MYO1E: variants seen among roughly 807,000 people sequenced by gnomAD.
MYO1E encodes unconventional myosin-Ie.
A neutral mutation model predicts 151.1 loss-of-function variants in MYO1E; 68 were observed. The ratio of observed to expected loss-of-function variants is 0.45; its 90% confidence interval spans 0.37 to 0.55. The LOEUF (loss-of-function observed/expected upper bound fraction) is 0.55. Ranked by LOEUF, MYO1E falls within the 20% of genes least tolerant of loss-of-function variation. MYO1E has a pLI of 0.00. For synonymous variants in MYO1E, 601 were observed against 501.7 expected (o/e 1.20, Z -2.64); for missense variants, 1,363 against 1,389.3 (o/e 0.98, Z 0.30).
rs11366940 is a variant in MYO1E at position 59,353,757 on chromosome 15, CAA to C, written c.3+18739_3+18740del. 4.5e-3 allele frequency among the ~76,000 whole-genome samples: 590 copies of C among 129,774 alleles called. 6 individuals carry two copies. Among genetic ancestry groups the C allele is most frequent in the South Asian group, 0.045 (184 of 4,054 alleles). 85.1% of individuals were successfully genotyped at this position (129,774 alleles called of 152,430 possible). On this transcript the variant is annotated intron_variant, in intron 1 of 27. Transcript: ENST00000288235. ...GAGCAACAAGAGCAAAACTCCGTCTCAAAAAAAAAAAAAAACAAAGAAAGAAA... is the reference window on the plus strand; with the variant it reads ...GAGCAACAAGAGCAAAACTCCGTCTCAAAAAAAAAAAAACAAAGAAAGAAA...
intron 4 of MYO1E, among the ~76,000 whole-genome samples, chr15:59,254,291 G>T (rs547455824): frequency 6.6e-6 from 1 of 152,142 alleles, no homozygotes; most frequent in South Asian, 2.1e-4. Context: ...GAGCTCAAGC[G>T]ATCTCCCTGC....
In MYO1E at chr15:59,173,796, C is replaced by T. The variant is rs773359370; in HGVS notation, c.2284G>A (p.Glu762Lys). 4 of 1,614,048 alleles carry T rather than the reference C, an allele frequency of 2.5e-6. No homozygotes were observed. The South Asian group carries it at 4.4e-5, about 18-fold the overall frequency. ...ACTGTGTCTGCGAAATCAATCTTCT[C>T]CCTCTTGCCCACGAACTGCTGGAGT... The part of the protein sequence containing the change: ...PELQQFVGKR[E>K]KIDFADTVTK... Residue 762 changes from glutamate (E) to lysine (K), a missense_variant, in exon 21 of 28, where the codon GAG (glutamate) becomes AAG (lysine). By Grantham distance (56) the Glu-to-Lys change is moderately conservative. Coordinates refer to ENST00000288235, the MANE Select transcript of MYO1E (RefSeq NM_004998.4).
At chr15:59,353,078 TTTC>T (rs1479928383) in intron 1 of MYO1E, among the ~76,000 whole-genome samples, 1 of 152,102 alleles carries the variant, frequency 6.6e-6, no homozygotes, top group Admixed American at 6.5e-5. Context: ...GATTTTTAAG[TTTC>T]TTCAACCTTC....
At chr15:59,298,733 A>T (rs142828462) in intron 1 of MYO1E, among the ~76,000 whole-genome samples, 1 of 152,230 alleles carries the variant, frequency 6.6e-6, no homozygotes, top group Admixed American at 6.5e-5. Flanking sequence ...GACTGGGGGT[A>T]AAGGACAACA....
intron 1 of MYO1E, among the ~76,000 whole-genome samples, chr15:59,301,834 G>A (rs920797960): frequency 1.3e-5 from 2 of 152,200 alleles, no homozygotes; most frequent in Non-Finnish European, 2.9e-5. Flanking sequence ...CCAAGATAGA[G>A]AACGGGAAAG....
intron 3 of MYO1E, among the ~76,000 whole-genome samples, 162 bp downstream of exon 3, chr15:59,261,255 TAAA>T (rs1417413133): frequency 3.3e-5 from 5 of 151,156 alleles, no homozygotes; most frequent in Non-Finnish European, 7.4e-5. Context: ...AATTAAAAAA[TAAA>T]AATAAAAAGC....
intron 5 of MYO1E, among the ~76,000 whole-genome samples, chr15:59,234,846 A>G (rs916647534): frequency 6.1e-5 from 9 of 146,906 alleles, no homozygotes; most frequent in African/African-American, 1.2e-4. Flanking sequence ...AAAAAAAGGG[A>G]ACCACAATAA....
chr15:59,292,203 G>GA (rs1463373578), intron 1 of MYO1E, among the ~76,000 whole-genome samples: 43 of 152,170 alleles, frequency 2.8e-4, no homozygotes, highest in African/African-American at 8.7e-4. Context: ...TCTTTTTAAA[G>GA]AAAAAAATCT....
Position 59,136,786 on chromosome 15 carries a change from C to A in MYO1E, c.*594G>T, listed in dbSNP as rs3803446. Reference sequence around the variant, plus strand: ...AGCCCCCAGCCCCTGACCTGCTTGGCGGCCCTGATGGTCCCGGCAAAGTGT... The same window carrying A: ...AGCCCCCAGCCCCTGACCTGCTTGGAGGCCCTGATGGTCCCGGCAAAGTGT... On this transcript the variant is annotated 3_prime_UTR_variant, in exon 28 of 28. Coordinates refer to ENST00000288235, the MANE Select transcript of MYO1E (RefSeq NM_004998.4). The A allele has an allele frequency of 3.5e-5, 16 of 456,094 alleles. 1 individual carries two copies. The East Asian group carries it at 1.0e-3, about 30-fold the overall frequency. The allele number at this position is 456,094 out of a possible 1,614,324, so 28.3% of individuals were successfully genotyped here. A position where few individuals can be genotyped will look rare whatever the true frequency, so the allele number is the denominator to read the frequency against.
chr15:59,223,149 G>C lies in MYO1E; in HGVS notation c.820C>G (p.Leu274Val). 6.2e-7 allele frequency: 1 copy of C among 1,614,180 alleles called. No individual in the cohort carries two copies. Among genetic ancestry groups the C allele is most frequent in the Non-Finnish European group, 8.5e-7 (1 of 1,180,038 alleles). Residue 274 changes from leucine (L) to valine (V), a missense_variant, in exon 9 of 28, where the codon CTG (leucine) becomes GTG (valine). Leu to Val is a conservative substitution (Grantham distance 32, BLOSUM62 1). Transcript: ENST00000288235. Reference protein sequence around the residue: ...VIGIFAEEQTLVLQIVAGILH... With the variant: ...VIGIFAEEQTVVLQIVAGILH... ...ATACCCGCCACTATCTGCAACACCAGCGTTTGCTCTTCTGCAAAGATCCCA... is the reference window on the plus strand; with the variant it reads ...ATACCCGCCACTATCTGCAACACCACCGTTTGCTCTTCTGCAAAGATCCCA...
At chr15:59,170,280 C>T (rs115696087) in intron 22 of MYO1E, among the ~76,000 whole-genome samples, 1,861 of 152,308 alleles carry the variant, frequency 0.012, 47 homozygotes, top group African/African-American at 0.042. Flanking sequence ...CATACCTGGG[C>T]AATAACAGAA....
intron 1 of MYO1E, among the ~76,000 whole-genome samples, chr15:59,325,351 T>C (rs987468795): frequency 2.0e-5 from 3 of 152,098 alleles, no homozygotes; most frequent in Non-Finnish European, 2.9e-5. Context: ...CCTTTTTAGT[T>C]AGGGGATAAA....
At position 59,227,069 on chromosome 15, in the gene MYO1E, C is replaced by T. The variant is rs1217015242; in HGVS notation, c.642+390G>A. Reference sequence around the variant, plus strand: ...ACTGGCTTTCCCTCTCCCACCTCCACTGCTTTGGTGCAGGTCACCTGTCTT... The same window carrying T: ...ACTGGCTTTCCCTCTCCCACCTCCATTGCTTTGGTGCAGGTCACCTGTCTT... On this transcript the variant is annotated intron_variant, in intron 7 of 27. Coordinates refer to ENST00000288235, the MANE Select transcript of MYO1E (RefSeq NM_004998.4). Among the ~76,000 whole-genome samples, 8 of 152,348 alleles carry T rather than the reference C, an allele frequency of 5.3e-5. No homozygotes were observed. The East Asian group carries it at 1.5e-3, about 29-fold the overall frequency.
intron 1 of MYO1E, among the ~76,000 whole-genome samples, chr15:59,279,962 C>T (rs1193239893): frequency 6.6e-6 from 1 of 152,116 alleles, no homozygotes; most frequent in Non-Finnish European, 1.5e-5. Context: ...ACACACAGAG[C>T]TGTTTTCATT....
intron 1 of MYO1E, among the ~76,000 whole-genome samples, chr15:59,355,306 C>T (rs1420783750): frequency 6.6e-6 from 1 of 152,188 alleles, no homozygotes; most frequent in African/African-American, 2.4e-5. Flanking sequence ...CCTGTCTCAA[C>T]TCCTCCATTC....
chr15:59,261,039 T>C (rs1169879511), intron 3 of MYO1E, among the ~76,000 whole-genome samples: 1 of 151,732 alleles, frequency 6.6e-6, no homozygotes, highest in Non-Finnish European at 1.5e-5. Flanking sequence ...CATGGTGAAA[T>C]ACCGTCTCTA....
Position 59,225,401 on chromosome 15 carries a change from C to T in MYO1E, c.643-578G>A, listed in dbSNP as rs191553960. On this transcript the variant is annotated intron_variant, in intron 7 of 27. Coordinates refer to ENST00000288235, the MANE Select transcript of MYO1E (RefSeq NM_004998.4). Reference sequence around the variant, plus strand: ...TTTTTTTGGCCCCCACACCCCAGCTCGTCCCTTTTGCCCAAGAGCTCTGAC... The same window carrying T: ...TTTTTTTGGCCCCCACACCCCAGCTTGTCCCTTTTGCCCAAGAGCTCTGAC... Among the ~76,000 whole-genome samples the T allele has an allele frequency of 5.3e-3, 805 of 152,284 alleles. 6 individuals are homozygous for T. The highest frequency in any genetic ancestry group is 8.9e-3 in the South Asian group (43 of 4,822).
At chr15:59,315,453 A>C (rs1018773413) in intron 1 of MYO1E, among the ~76,000 whole-genome samples, 2 of 151,810 alleles carry the variant, frequency 1.3e-5, no homozygotes, top group Non-Finnish European at 2.9e-5. Context: ...CTTAATACCT[A>C]GGTGATGGGT....
intron 15 of MYO1E, among the ~76,000 whole-genome samples, chr15:59,204,393 C>T (rs766387874): frequency 6.6e-6 from 1 of 152,144 alleles, no homozygotes; most frequent in Non-Finnish European, 1.5e-5. Flanking sequence ...TTATCAGGCT[C>T]GCTGCTGTTG....
Sources: allele counts gnomAD v4.1 joint callset (sites outside exome capture counted in the v4.1 genomes callset), GRCh38; gene constraint gnomAD v4.1.1; transcripts MANE v1.5; gene names NCBI Gene and HGNC (gene_info 2026-07-23, HGNC 2026-07-21).